The following LRRC40 variants were observed in gnomAD, a reference collection of about 807,000 sequenced individuals.
LRRC40 encodes the protein leucine rich repeat containing 40, also known as leucine-rich repeat-containing protein 40.
Under a neutral mutation model 72.8 loss-of-function variants are expected in LRRC40, and 76 were observed. The observed-to-expected ratio is 1.04, with a 90% CI of 0.87 to 1.26. The LOEUF (loss-of-function observed/expected upper bound fraction) is 1.26, where lower values mean the gene tolerates loss of function less well. Ranked by LOEUF, LRRC40 falls within the 50% of genes most tolerant of loss-of-function variation. LRRC40 has a pLI of 0.00. For missense variants in LRRC40, 684 were observed against 698.9 expected, an observed-to-expected ratio of 0.98 and a Z score of 0.24; for synonymous variants, 243 against 254.2, an observed-to-expected ratio of 0.96 and a Z score of 0.42.
At chr1:70,160,802 G>GT (rs987380380) in intron 9 of LRRC40, among the ~76,000 whole-genome samples, 5 of 151,496 alleles carry the variant, frequency 3.3e-5, no homozygotes, top group East Asian at 3.9e-4. Context: ...GCGTATTGTT[G>GT]TTTTTTTTAA....
At chr1:70,194,119 G>T (rs1442591308) in intron 1 of LRRC40, among the ~76,000 whole-genome samples, 2 of 151,932 alleles carry the variant, frequency 1.3e-5, no homozygotes, top group Non-Finnish European at 2.9e-5. Flanking sequence ...ATAAATAAAA[G>T]AAACAAAAGG....
At chr1:70,177,568 A>T (rs566106603) in intron 6 of LRRC40, among the ~76,000 whole-genome samples, 3 of 152,184 alleles carry the variant, frequency 2.0e-5, no homozygotes, top group Non-Finnish European at 4.4e-5. Flanking sequence ...AAATAACATC[A>T]TGGGACTAAT....
At chr1:70,156,915 T>C (rs190562296) in intron 10 of LRRC40, among the ~76,000 whole-genome samples, 3 of 152,340 alleles carry the variant, frequency 2.0e-5, no homozygotes, top group Admixed American at 1.3e-4. Flanking sequence ...GTAACCCAAA[T>C]TGCAGAAAGT....
intron 13 of LRRC40, 43 bp downstream of exon 13, chr1:70,151,085 C>A (rs763091951): frequency 8.9e-7 from 1 of 1,121,812 alleles, no homozygotes; most frequent in Non-Finnish European, 1.3e-6. Flanking sequence ...GAAAGATCTA[C>A]ATATTTCCAC....
chr1:70,155,654 G>T, intron 11 of LRRC40, 35 bp downstream of exon 11: 1 of 980,550 alleles, frequency 1.0e-6, no homozygotes, highest in Non-Finnish European at 1.5e-6. Flanking sequence ...AACAGAATGA[G>T]TCACAACCTA....
chr1:70,196,146 G>A (rs1439659977), intron 1 of LRRC40, among the ~76,000 whole-genome samples: 9 of 151,596 alleles, frequency 5.9e-5, no homozygotes, highest in Admixed American at 5.3e-4. Flanking sequence ...AAAGCTTATA[G>A]CAATTTTATT....
rs142272886 is a variant in LRRC40, at chr1:70,170,654, C to T, written c.1111+2811G>A. Among the ~76,000 whole-genome samples, 782 of 152,054 alleles carry T rather than the reference C, an allele frequency of 5.1e-3. 6 individuals are homozygous for T. Among genetic ancestry groups the T allele is most frequent in the African/African-American group, 0.018 (735 of 41,492 alleles). On this transcript the variant is annotated intron_variant, in intron 9 of 14. Coordinates refer to ENST00000370952, the MANE Select transcript of LRRC40 (RefSeq NM_017768.5). ...TAATAGCATCAAAAGGAATAAAATG[C>T]TTAGAAATAAACAAGTATAAAACTT... is the stretch of plus-strand genomic sequence containing the variant.
rs1249297192 is a variant in LRRC40, at chr1:70,184,833, TA to T, written c.488del (p.Leu163Ter). On this transcript the variant is annotated frameshift_variant, in exon 4 of 15. Coordinates refer to ENST00000370952, the MANE Select transcript of LRRC40 (RefSeq NM_017768.5). LOFTEE classifies it high-confidence loss of function. ...GTTCAAATCCCTCTGATATGCAGGTTAATTCATTATGCTGGAGATACAGGCA... is the reference window on the plus strand; with the variant it reads ...GTTCAAATCCCTCTGATATGCAGGTTATTCATTATGCTGGAGATACAGGCA... ...LKCLYLQHNELTCISEGFEQL... is the reference protein window; with the variant it reads ...LKCLYLQHNEXTCISEGFEQL... 1 of 1,612,272 alleles carries T rather than the reference TA, an allele frequency of 6.2e-7. No homozygotes were observed.
chr1:70,173,660 C>T lies in LRRC40; in HGVS notation c.1027G>A (p.Gly343Arg), dbSNP rs1428619063. Residue 343 changes from glycine (G) to arginine (R), a missense_variant, in exon 8 of 15, where the codon GGA becomes AGA. Transcript: ENST00000370952. ...CTTCGAATTGTTCTCAAAGGATTTC[C>T]TTCTAATGCCAAAAATTTCAAATGA... is the stretch of plus-strand genomic sequence containing the variant. ...NLHLKFLALE[G>R]NPLRTIRREI... 1.3e-6 allele frequency: 2 copies of T among 1,573,050 alleles called. No homozygotes were observed. The highest frequency in any genetic ancestry group is 2.3e-5 in the East Asian group (1 of 44,104).
Position 70,175,923 on chromosome 1 carries a change from C to CAGAGGTTTA in LRRC40, c.863_864insTAAACCTCT (p.Leu288_Asn289insLysProLeu). ...TCAGGTCTAGCACAAGAATTGAATT[C>CAGAGGTTTA]AGATGTTTAAGATGTTCTGCCTCTA... On this transcript the variant is annotated inframe_insertion, in exon 7 of 15. Transcript: ENST00000370952. 3.1e-6 allele frequency: 5 copies of CAGAGGTTTA among 1,599,002 alleles called. No homozygotes were observed. Among genetic ancestry groups the CAGAGGTTTA allele is most frequent in the Non-Finnish European group, 3.4e-6 (4 of 1,175,468 alleles).
At chr1:70,176,440 G>C (rs1482649445) in intron 6 of LRRC40, among the ~76,000 whole-genome samples, 1 of 148,516 alleles carries the variant, frequency 6.7e-6, no homozygotes, top group Non-Finnish European at 1.5e-5. Context: ...GCTGCGGCAG[G>C]AGAATCGCTT....
At chr1:70,156,885 C>T (rs1262285511) in intron 10 of LRRC40, among the ~76,000 whole-genome samples, 15 of 152,132 alleles carry the variant, frequency 9.9e-5, no homozygotes, top group African/African-American at 4.8e-5. Flanking sequence ...TTAATATTTT[C>T]GGACTGCACC....
intron 1 of LRRC40, among the ~76,000 whole-genome samples, chr1:70,196,984 A>C (rs1220965386): frequency 6.6e-6 from 1 of 152,206 alleles, no homozygotes; most frequent in Admixed American, 6.5e-5. Context: ...ATATACACAT[A>C]TAACATATAT....
chr1:70,167,257 A>G (rs1667903427), intron 9 of LRRC40, among the ~76,000 whole-genome samples: 2 of 151,978 alleles, frequency 1.3e-5, no homozygotes, highest in Middle Eastern at 3.4e-3. Context: ...AGAAAAAAGA[A>G]AAAGGTCAAG....
intron 1 of LRRC40, among the ~76,000 whole-genome samples, chr1:70,203,035 C>T (rs1450707038): frequency 6.6e-6 from 1 of 152,040 alleles, no homozygotes; most frequent in Non-Finnish European, 1.5e-5. Context: ...GGACTAAAGG[C>T]GCACGCCACC....
At chr1:70,184,005 T>C (rs926678211) in intron 4 of LRRC40, among the ~76,000 whole-genome samples, 5 of 152,094 alleles carry the variant, frequency 3.3e-5, no homozygotes, top group Non-Finnish European at 4.4e-5. Context: ...TGCCAGAACT[T>C]TGGGAGGCTG....
chr1:70,197,470 G>A (rs2100348110), intron 1 of LRRC40, among the ~76,000 whole-genome samples: 1 of 151,736 alleles, frequency 6.6e-6, no homozygotes, highest in South Asian at 2.1e-4. Flanking sequence ...GTAGAGACAG[G>A]GTCTCATTAT....
chr1:70,168,685 G>A (rs548706674), intron 9 of LRRC40, among the ~76,000 whole-genome samples: 1 of 152,290 alleles, frequency 6.6e-6, no homozygotes, highest in South Asian at 2.1e-4. Flanking sequence ...TAGCTCACAG[G>A]AGAGAACCAA....
intron 9 of LRRC40, among the ~76,000 whole-genome samples, chr1:70,172,271 T>C (rs985150053): frequency 1.3e-5 from 2 of 152,202 alleles, no homozygotes; most frequent in Non-Finnish European, 2.9e-5. Flanking sequence ...TTCTGTTATT[T>C]ATAAATTACA....
Sources: allele counts gnomAD v4.1 joint callset (sites outside exome capture counted in the v4.1 genomes callset), GRCh38; gene constraint gnomAD v4.1.1; transcripts MANE v1.5; gene names NCBI Gene and HGNC (gene_info 2026-07-23, HGNC 2026-07-21).